GATA4: variants seen among roughly 807,000 people sequenced by gnomAD.
The protein encoded by GATA4 is GATA binding protein 4.
In GATA4, 7 loss-of-function variants were observed where a neutral mutation model predicts 37.9. The observed-to-expected ratio is 0.18, with a 90% CI of 0.11 to 0.35. The LOEUF is 0.35. Among genes scored for constraint, GATA4 ranks in the 10% least tolerant of loss-of-function variants. GATA4 has a pLI of 1.00. For synonymous variants in GATA4, 372 were observed against 292.6 expected, an observed-to-expected ratio of 1.27 and a Z score of -2.77; for missense variants, 647 against 653.0, an observed-to-expected ratio of 0.99 and a Z score of 0.10.
chr8:11,741,643 T>A (rs572736877), intron 2 of GATA4, among the ~76,000 whole-genome samples: 1 of 152,230 alleles, frequency 6.6e-6, no homozygotes, highest in East Asian at 1.9e-4. Flanking sequence ...TATGGGGAAA[T>A]CTTTATGCTG....
At chr8:11,737,027 T>C (rs1345793042) in intron 2 of GATA4, among the ~76,000 whole-genome samples, 2 of 152,048 alleles carry the variant, frequency 1.3e-5, no homozygotes, top group Non-Finnish European at 2.9e-5. Context: ...TGGCTTAGAC[T>C]CCATATTTCA....
intron 1 of GATA4, among the ~76,000 whole-genome samples, chr8:11,693,562 C>CACACAGAGAGAG (rs1405047773): frequency 1.1e-4 from 8 of 72,146 alleles, no homozygotes; most frequent in African/African-American, 3.0e-4. Context: ...CACACACACA[C>CACACAGAGAGAG]AGAGAGAGAG....
chr8:11,717,822 G>C (rs1281824888), intron 2 of GATA4, among the ~76,000 whole-genome samples: 2 of 152,202 alleles, frequency 1.3e-5, no homozygotes, highest in African/African-American at 4.8e-5. Context: ...CTGCAGTTCA[G>C]GAATGCAATG....
In GATA4 at chr8:11,708,252, G is replaced by C; in HGVS notation, c.-61G>C. 3 of 1,520,846 alleles carry C rather than the reference G, an allele frequency of 2.0e-6. No individual in the cohort carries two copies. Among genetic ancestry groups the C allele is most frequent in the South Asian group, 2.4e-5 (2 of 83,924 alleles). 94.2% of individuals were successfully genotyped at this position (1,520,846 alleles called of 1,614,324 possible). ...GTTGTTGCCGTCGTTTTCTCTCCCC[G>C]CGTGGCTCCTTGACCTGCGAGGGAG... is the stretch of plus-strand genomic sequence containing the variant. On this transcript the variant is annotated 5_prime_UTR_variant, in exon 2 of 7. Coordinates refer to ENST00000532059, the MANE Select transcript of GATA4 (RefSeq NM_001308093.3). This position sits in a 1 kb window ranked among gnomAD's most constrained non-coding sequence, Gnocchi z 6.7.
At chr8:11,733,063 G>A (rs1241763077) in intron 2 of GATA4, among the ~76,000 whole-genome samples, 1 of 152,146 alleles carries the variant, frequency 6.6e-6, no homozygotes, top group African/African-American at 2.4e-5. Flanking sequence ...ATTATTTGCA[G>A]ATAAAATACT....
chr8:11,693,521 A>AC lies in GATA4; in HGVS notation c.-729+861_-729+862insC, dbSNP rs1491100575. 4.8e-5 allele frequency among the ~76,000 whole-genome samples: 3 copies of AC among 61,922 alleles called. No individual in the cohort carries two copies. The East Asian group carries it at 1.3e-3, about 27-fold the overall frequency. The allele number at this position is 61,922 out of a possible 152,430, so 40.6% of individuals were successfully genotyped here. ...GAAAAAAAGAGGATTGATTCAGCAC[A>AC]AACACACACACACACACACACACAC... On this transcript the variant is annotated intron_variant, in intron 1 of 2. Transcript: ENST00000526974.
chr8:11,750,166 C>G lies in GATA4; in HGVS notation c.842C>G (p.Thr281Arg), dbSNP rs387906771. Reference sequence around the variant, plus strand: ...GCCAACTGCCAGACCACCACCACCACGCTGTGGCGCCGCAATGCGGAGGGC... The same window carrying G: ...GCCAACTGCCAGACCACCACCACCAGGCTGTGGCGCCGCAATGCGGAGGGC... ...SCANCQTTTT[T>R]LWRRNAEGEP... The change falls in exon 4 of 7, where the codon ACG (threonine) becomes AGG (arginine). Residue 281 changes from threonine (T) to arginine (R), a missense_variant. Around this residue, in one of 5 missense-constraint regions of GATA4, gnomAD observed 56 missense variants for 64.5 expected, o/e 0.87. Transcript: ENST00000532059. 6.2e-7 allele frequency: 1 copy of G among 1,613,784 alleles called. No homozygotes were observed. Among genetic ancestry groups the G allele is most frequent in the Non-Finnish European group, 8.5e-7 (1 of 1,180,046 alleles).
rs115372595 is a variant in GATA4 at position 11,756,974 on chromosome 8, C to T, written c.1040C>T (p.Ala347Val). 3,723 of 1,614,262 alleles carry T rather than the reference C, an allele frequency of 2.3e-3. 2 individuals carry two copies. The highest frequency in any genetic ancestry group is 2.9e-3 in the Non-Finnish European group (3,384 of 1,180,048). ...GAGAGCCTTCCTCCCGCCAGCGGTG[C>T]TTCCAGCAACTCCAGCAACGCCACC... ...GSESLPPASG[A>V]SSNSSNATTS... Residue 347 changes from alanine (A) to valine (V), a missense_variant, in exon 6 of 7, where the codon GCT becomes GTT. Ala to Val is a moderately conservative substitution (Grantham distance 64, BLOSUM62 0). Coordinates refer to ENST00000532059, the MANE Select transcript of GATA4 (RefSeq NM_001308093.3).
rs146936542 is a variant in GATA4 at position 11,731,673 on chromosome 8, G to T, written c.617-17243G>T. ...AGTTGTAGAGATTAGTTTCACAACA[G>T]TGTGAACACATTTACTATCACTGAA... On this transcript the variant is annotated intron_variant, in intron 2 of 6. Transcript: ENST00000532059. 1.0e-3 allele frequency among the ~76,000 whole-genome samples: 157 copies of T among 152,346 alleles called. 1 individual carries two copies. Among genetic ancestry groups the T allele is most frequent in the African/African-American group, 3.7e-3 (152 of 41,580 alleles).
At chr8:11,689,829 T>C (rs1799254564), upstream of GATA4, among the ~76,000 whole-genome samples, 1 of 152,140 alleles carries the variant, frequency 6.6e-6, no homozygotes, top group Admixed American at 6.6e-5. Flanking sequence ...CTCACCCTAC[T>C]GATTACATCA....
chr8:11,745,198 G>A (rs753442717), intron 2 of GATA4, among the ~76,000 whole-genome samples: 1 of 152,156 alleles, frequency 6.6e-6, no homozygotes, highest in Non-Finnish European at 1.5e-5. Context: ...TGTGTGTTGG[G>A]CTCTCAAGGC....
chr8:11,701,302 C>T (rs528224871), upstream of GATA4, among the ~76,000 whole-genome samples: 1 of 149,762 alleles, frequency 6.7e-6, no homozygotes, highest in Non-Finnish European at 1.5e-5. Context: ...TCCTCCTAGA[C>T]TACGGGAAAG....
rs758117383 is a variant in GATA4 at position 11,756,947 on chromosome 8, G to A, written c.1013G>A (p.Ser338Asn). The A allele has an allele frequency of 6.8e-6, 11 of 1,614,054 alleles. No homozygotes were observed. Among genetic ancestry groups the A allele is most frequent in the Non-Finnish European group, 7.6e-6 (9 of 1,179,998 alleles). ...TGCTTCATTCCAGCTCCTTCAGGCA[G>A]TGAGAGCCTTCCTCCCGCCAGCGGT... Reference protein sequence around the residue: ...KSKTPAAPSGSESLPPASGAS... With the variant: ...KSKTPAAPSGNESLPPASGAS... The change falls in exon 6 of 7, where the codon AGT becomes AAT. Residue 338 changes from serine (S) to asparagine (N), a missense_variant. Transcript: ENST00000532059.
At chr8:11,737,233 G>A (rs1449559573) in intron 2 of GATA4, among the ~76,000 whole-genome samples, 2 of 151,832 alleles carry the variant, frequency 1.3e-5, no homozygotes, top group African/African-American at 4.8e-5. Flanking sequence ...AATCTCCCCT[G>A]AAATGCCTCC....
At chr8:11,733,542 A>G (rs955822753) in intron 2 of GATA4, among the ~76,000 whole-genome samples, 8 of 152,256 alleles carry the variant, frequency 5.3e-5, no homozygotes, top group African/African-American at 1.9e-4. Context: ...TGGCATTAGC[A>G]TTGAATCCTT....
In GATA4 at chr8:11,745,008, G is replaced by T. The variant is rs55982574; in HGVS notation, c.617-3908G>T. Reference sequence around the variant, plus strand: ...AGATCATTAGCACTCTGAGACCTGGGTTCCCTCCTAGCTCCTGTGACATCT... The same window carrying T: ...AGATCATTAGCACTCTGAGACCTGGTTTCCCTCCTAGCTCCTGTGACATCT... On this transcript the variant is annotated intron_variant, in intron 2 of 6. Coordinates refer to ENST00000532059, the MANE Select transcript of GATA4 (RefSeq NM_001308093.3). 8.5e-3 allele frequency among the ~76,000 whole-genome samples: 1,295 copies of T among 152,284 alleles called. 10 individuals are homozygous for T. Among genetic ancestry groups the T allele is most frequent in the African/African-American group, 0.028 (1,176 of 41,544 alleles).
intron 4 of GATA4, among the ~76,000 whole-genome samples, chr8:11,751,742 G>T (rs1802315366): frequency 6.6e-6 from 1 of 152,116 alleles, no homozygotes; most frequent in South Asian, 2.1e-4. Context: ...TCAGAGAAAT[G>T]TACCTGAAAA....
Position 11,681,492 on chromosome 8 carries a change from CGGGGGGGG to C in GATA4, c.-274+4438_-274+4445del, listed in dbSNP as rs202218053. ...GTCCCCGCGCGGGGTGCGGCGCTCG[CGGGGGGGG>C]GGGGGGGGATGGGGTCGGTCCCTCT... On this transcript the variant is annotated intron_variant, in intron 1 of 6. Transcript: ENST00000528712. 26 of 929,312 alleles carry C rather than the reference CGGGGGGGG, an allele frequency of 2.8e-5. 3 individuals are homozygous for C. The highest frequency in any genetic ancestry group is 1.0e-4 in the South Asian group (2 of 19,236). 57.6% of individuals were successfully genotyped at this position (929,312 alleles called of 1,614,324 possible).
chr8:11,699,636 G>A (rs4840577), upstream of GATA4, among the ~76,000 whole-genome samples: 1 of 152,206 alleles, frequency 6.6e-6, no homozygotes, highest in South Asian at 2.1e-4. Context: ...CAGCGCTGGC[G>A]CTCCTCAACC....
Sources: allele counts gnomAD v4.1 joint callset (sites outside exome capture counted in the v4.1 genomes callset), GRCh38; gene constraint gnomAD v4.1.1; regional missense constraint gnomAD v4.1.1; non-coding constraint Gnocchi (gnomAD v3.1); transcripts MANE v1.5; gene names NCBI Gene and HGNC (gene_info 2026-07-23, HGNC 2026-07-21).